The following GLCE variants were observed in gnomAD, a reference collection of about 807,000 sequenced individuals.
The protein encoded by GLCE is glucuronic acid epimerase.
A neutral mutation model predicts 47.9 loss-of-function variants in GLCE; 19 were observed. That is an observed-to-expected ratio of 0.40 (90% confidence interval 0.28 to 0.58). The LOEUF is 0.58. GLCE is among the 20% of genes least tolerant of loss of function. The pLI is 0.48. For synonymous variants in GLCE, 245 were observed against 263.4 expected (o/e 0.93, Z 0.68); for missense variants, 556 against 743.3 (o/e 0.75, Z 2.93).
intron 2 of GLCE, among the ~76,000 whole-genome samples, chr15:69,218,601 C>T (rs2052338702): frequency 6.6e-6 from 1 of 152,170 alleles, no homozygotes; most frequent in Non-Finnish European, 1.5e-5. Flanking sequence ...ACTGAAATTT[C>T]AACCTTATGT....
At chr15:69,228,922 A>G (rs116715321) in intron 2 of GLCE, among the ~76,000 whole-genome samples, 1 of 152,284 alleles carries the variant, frequency 6.6e-6, no homozygotes, top group East Asian at 1.9e-4. Context: ...TCCTGAGCTC[A>G]AACGATTTGC....
At chr15:69,173,418 A>G (rs1171118967) in intron 1 of GLCE, among the ~76,000 whole-genome samples, 4 of 152,244 alleles carry the variant, frequency 2.6e-5, no homozygotes, top group Non-Finnish European at 4.4e-5. Context: ...TCTGTGAAAC[A>G]TGAAGGGTTG....
chr15:69,207,797 T>C (rs2052172746), intron 1 of GLCE, among the ~76,000 whole-genome samples: 1 of 152,074 alleles, frequency 6.6e-6, no homozygotes, highest in African/African-American at 2.4e-5. Flanking sequence ...GATAAATGTA[T>C]ACTTAGCTCT....
chr15:69,203,714 A>G (rs1024152166), intron 1 of GLCE, among the ~76,000 whole-genome samples: 12 of 152,132 alleles, frequency 7.9e-5, no homozygotes, highest in African/African-American at 2.4e-4. Context: ...ATGACAAGAA[A>G]AGACCTTAAG....
intron 1 of GLCE, among the ~76,000 whole-genome samples, chr15:69,192,094 G>A (rs1347344273): frequency 1.3e-5 from 2 of 151,948 alleles, no homozygotes; most frequent in Admixed American, 6.6e-5. Flanking sequence ...GGGAACTGTG[G>A]GTTTGTAGTT....
intron 1 of GLCE, among the ~76,000 whole-genome samples, chr15:69,163,442 C>G (rs1361295440): frequency 6.6e-6 from 1 of 152,194 alleles, no homozygotes; most frequent in Non-Finnish European, 1.5e-5. Context: ...AGATTCAGCT[C>G]TCTTTTTTTA....
chr15:69,259,428 A>G (rs1443934472), intron 3 of GLCE, among the ~76,000 whole-genome samples: 1 of 152,132 alleles, frequency 6.6e-6, no homozygotes, highest in Non-Finnish European at 1.5e-5. Context: ...ACACCACATT[A>G]TGATCAGCTT....
At chr15:69,162,678 T>TCCCATC (rs1327033713) in intron 1 of GLCE, among the ~76,000 whole-genome samples, 3 of 152,170 alleles carry the variant, frequency 2.0e-5, no homozygotes, top group Admixed American at 2.0e-4. Flanking sequence ...CAGTTCAGCT[T>TCCCATC]CCCATCCCCA....
intron 2 of GLCE, among the ~76,000 whole-genome samples, chr15:69,252,098 C>T (rs1022545349): frequency 2.3e-4 from 35 of 152,042 alleles, no homozygotes; most frequent in East Asian, 1.9e-4. Context: ...TCTTTAGTAA[C>T]GAATGGCATC....
In GLCE at chr15:69,160,963, A is replaced by G. The variant is rs1322205389; in HGVS notation, c.-105+206A>G. On this transcript the variant is annotated intron_variant, in intron 1 of 4. Transcript: ENST00000261858. The surrounding 1 kb of genome is among the most constrained non-coding windows in gnomAD (Gnocchi z 4.2). ...GGGCGCGGGCGCCCAAGGGCGGTGT[A>G]GCGGGTGCCGGAGCTCCCGAGGTGA... is the stretch of plus-strand genomic sequence containing the variant. 7.0e-6 allele frequency among the ~76,000 whole-genome samples: 1 copy of G among 143,082 alleles called. No homozygotes were observed. The highest frequency in any genetic ancestry group is 2.7e-5 in the African/African-American group (1 of 36,838). 93.9% of individuals were successfully genotyped at this position (143,082 alleles called of 152,430 possible).
chr15:69,219,666 G>A (rs80185153), intron 2 of GLCE, among the ~76,000 whole-genome samples: 3 of 151,838 alleles, frequency 2.0e-5, no homozygotes, highest in South Asian at 2.1e-4. Flanking sequence ...GTTGGATTAC[G>A]GTTTTTAAGA....
chr15:69,256,424 C>A, intron 3 of GLCE, 32 bp downstream of exon 3: 1 of 1,402,806 alleles, frequency 7.1e-7, no homozygotes, highest in Non-Finnish European at 1.0e-6. Flanking sequence ...TTGCATTTTT[C>A]AAGCATGATT....
chr15:69,236,609 A>T (rs2052596897), intron 2 of GLCE, among the ~76,000 whole-genome samples: 1 of 152,218 alleles, frequency 6.6e-6, no homozygotes, highest in African/African-American at 2.4e-5. Context: ...TGAGACTTGA[A>T]AAAACTAGTA....
chr15:69,171,429 C>T (rs145239156), intron 1 of GLCE, among the ~76,000 whole-genome samples: 1,715 of 149,970 alleles, frequency 0.011, 27 homozygotes, highest in African/African-American at 0.038. Flanking sequence ...TGGAGTCTCG[C>T]ACTGTCGCCC....
chr15:69,161,374 G>T (rs2051417595), intron 1 of GLCE, among the ~76,000 whole-genome samples: 2 of 151,954 alleles, frequency 1.3e-5, no homozygotes, highest in Non-Finnish European at 2.9e-5. Context: ...TTCCGCTGGG[G>T]CCGGGGCCGC....
At chr15:69,232,217 A>G (rs532627333) in intron 2 of GLCE, among the ~76,000 whole-genome samples, 2 of 152,348 alleles carry the variant, frequency 1.3e-5, no homozygotes, top group African/African-American at 4.8e-5. Flanking sequence ...TGTGTCTGGT[A>G]TGTTAACGAG....
chr15:69,231,684 G>A (rs923764278), intron 2 of GLCE, among the ~76,000 whole-genome samples: 2 of 152,084 alleles, frequency 1.3e-5, no homozygotes, highest in Admixed American at 1.3e-4. Flanking sequence ...TGTTGTTGTT[G>A]TTTGTTCTCT....
intron 2 of GLCE, among the ~76,000 whole-genome samples, chr15:69,250,725 A>G (rs969837446): frequency 6.6e-6 from 1 of 151,210 alleles, no homozygotes; most frequent in Non-Finnish European, 1.5e-5. Flanking sequence ...AGCACCCTAT[A>G]GCCCAGAACT....
intron 1 of GLCE, among the ~76,000 whole-genome samples, chr15:69,165,623 A>G (rs2051491911): frequency 6.8e-6 from 1 of 146,288 alleles, no homozygotes; most frequent in African/African-American, 2.6e-5. Context: ...TAGGTGTTAT[A>G]TACTCACTGT....
Sources: gnomAD v4.1 joint callset for allele counts (sites outside exome capture counted in the v4.1 genomes callset) on GRCh38, gnomAD v4.1.1 for gene constraint, Gnocchi (gnomAD v3.1) non-coding constraint, MANE v1.5 for transcripts, NCBI Gene and HGNC (gene_info 2026-07-23, HGNC 2026-07-21) for gene names.